The following CNBD2 variants were observed in gnomAD, a reference collection of about 807,000 sequenced individuals.
CNBD2 encodes cyclic nucleotide-binding domain-containing protein 2.
In CNBD2, 64 loss-of-function variants were observed where a neutral mutation model predicts 63.7. The observed-to-expected ratio is 1.00, with a 90% CI of 0.82 to 1.24. The LOEUF is 1.24. Among genes scored for constraint, CNBD2 ranks in the 50% most tolerant of loss-of-function variants. CNBD2 has a pLI of 0.00. For synonymous variants in CNBD2, 229 were observed against 255.4 expected, an observed-to-expected ratio of 0.90 and a Z score of 0.99; for missense variants, 691 against 713.5, an observed-to-expected ratio of 0.97 and a Z score of 0.36.
intron 8 of CNBD2, 33 bp downstream of exon 8, chr20:35,995,185 G>A (rs758547919): frequency 2.5e-5 from 37 of 1,466,236 alleles, no homozygotes; most frequent in Admixed American, 1.7e-4. Flanking sequence ...ACAGCAGGGG[G>A]CGCCTGGGCC....
At chr20:35,987,593 T>A (rs1488743922) in intron 7 of CNBD2, 60 bp downstream of exon 7, 1 of 1,585,630 alleles carries the variant, frequency 6.3e-7, no homozygotes, top group Non-Finnish European at 8.6e-7. Context: ...TAAGATCATG[T>A]CCTGTGACCT....
At chr20:36,019,625 G>A (rs1003017546) in intron 10 of CNBD2, among the ~76,000 whole-genome samples, 2 of 151,940 alleles carry the variant, frequency 1.3e-5, no homozygotes, top group Non-Finnish European at 2.9e-5. Flanking sequence ...TTCAAGGCAG[G>A]AGGGAGGAGG....
Position 36,008,330 on chromosome 20 carries a change from A to T in CNBD2, c.1004A>T (p.Gln335Leu). 1.9e-6 allele frequency: 3 copies of T among 1,612,684 alleles called. No homozygotes were observed. Among genetic ancestry groups the T allele is most frequent in the Non-Finnish European group, 2.5e-6 (3 of 1,179,654 alleles). The change falls in exon 9 of 12, where the codon CAG (glutamine) becomes CTG (leucine). Residue 335 changes from glutamine to leucine, a missense_variant. Physicochemically the swap from Gln to Leu is moderately radical, Grantham distance 113. Coordinates refer to ENST00000373973, the MANE Select transcript of CNBD2 (RefSeq NM_001365709.1). ...CCTATGGAAAGATTTAAGGAATTCC[A>T]GATCAAATCATATCCTCTGCAAGAC... ...YSPMERFKEF[Q>L]IKSYPLQDFS...
chr20:35,995,867 A>G (rs1193104838), intron 8 of CNBD2, among the ~76,000 whole-genome samples: 2 of 152,160 alleles, frequency 1.3e-5, no homozygotes, highest in African/African-American at 4.8e-5. Context: ...AGACTGGGTA[A>G]CTTATAAAGA....
intron 8 of CNBD2, among the ~76,000 whole-genome samples, chr20:35,998,040 C>CTTTTTTTT (rs1046661526): frequency 2.8e-4 from 35 of 127,116 alleles, no homozygotes; most frequent in South Asian, 5.0e-4. Flanking sequence ...TTTTCTTTTT[C>CTTTTTTTT]TTTTTTTTTT....
rs778699165 is a variant in CNBD2, at chr20:35,984,708, G to A, written c.646G>A (p.Glu216Lys). ...EETEFLVVDR[E>K]DFFANKLDQE... is the part of the protein sequence containing the mutation. ...AACGGAGTTCCTGGTTGTTGACCGG[G>A]AGGACTTCTTTGCTAATAAGCTGGA... The change falls in exon 6 of 12, where the codon GAG (glutamate) becomes AAG (lysine). Residue 216 changes from glutamate (E) to lysine (K), a missense_variant. By Grantham distance (56) the Glu-to-Lys change is moderately conservative. Transcript: ENST00000373973. The A allele has an allele frequency of 8.1e-6, 13 of 1,614,086 alleles. No individual in the cohort carries two copies. The highest frequency in any genetic ancestry group is 1.1e-5 in the South Asian group (1 of 91,090).
intron 5 of CNBD2, 24 bp from the exon 6 acceptor site, chr20:35,984,603 G>C (rs1450822155): frequency 6.2e-7 from 1 of 1,610,944 alleles, no homozygotes; most frequent in East Asian, 2.2e-5. Context: ...CCTCACACTT[G>C]CCCTTGCCCT....
chr20:35,965,183 CTTT>C (rs369573397), upstream of CNBD2, among the ~76,000 whole-genome samples: 4 of 138,038 alleles, frequency 2.9e-5, no homozygotes, highest in Non-Finnish European at 3.1e-5. Context: ...CCCTCTCTCT[CTTT>C]TTTTTTTTTT....
chr20:35,974,060 G>A (rs2056464118), intron 2 of CNBD2: 1 of 153,400 alleles, frequency 6.5e-6, no homozygotes, highest in African/African-American at 2.4e-5. Flanking sequence ...GGAAGGAAAG[G>A]CAGCCTTAAA....
chr20:36,014,645 T>TA (rs1226372828), intron 10 of CNBD2, among the ~76,000 whole-genome samples: 1 of 150,678 alleles, frequency 6.6e-6, no homozygotes, highest in African/African-American at 2.4e-5. Flanking sequence ...ATTTTTTTTT[T>TA]AAGAGACAGG....
intron 7 of CNBD2, among the ~76,000 whole-genome samples, chr20:35,987,762 G>A (rs573629290): frequency 7.9e-5 from 12 of 152,282 alleles, no homozygotes; most frequent in South Asian, 2.1e-4. Context: ...GGATTCTCCC[G>A]CCTTGAGCTC....
At chr20:35,967,302 T>G (rs2056354201), upstream of CNBD2, among the ~76,000 whole-genome samples, 1 of 132,900 alleles carries the variant, frequency 7.5e-6, no homozygotes, top group Non-Finnish European at 1.5e-5. Flanking sequence ...CAGGCTGGAG[T>G]GCAGTGGCAC....
intron 4 of CNBD2, 97 bp from the exon 5 acceptor site, chr20:35,983,885 T>G (rs1369731168): frequency 2.8e-6 from 4 of 1,424,834 alleles, no homozygotes; most frequent in Non-Finnish European, 3.9e-6. Context: ...TGTGCTCTTA[T>G]ATCCCAAAGC....
chr20:35,997,203 G>A (rs903104395), intron 8 of CNBD2, among the ~76,000 whole-genome samples: 15 of 152,126 alleles, frequency 9.9e-5, no homozygotes, highest in African/African-American at 3.4e-4. Flanking sequence ...TGGCTCAGAT[G>A]TCTTATCTCT....
chr20:36,003,435 C>T (rs2056943587), intron 8 of CNBD2, among the ~76,000 whole-genome samples: 1 of 152,090 alleles, frequency 6.6e-6, no homozygotes, highest in South Asian at 2.1e-4. Context: ...TTGATCTTTT[C>T]AAGGCTTGCT....
chr20:35,959,982 A>G (rs1468157163), downstream of CNBD2, among the ~76,000 whole-genome samples: 1 of 152,224 alleles, frequency 6.6e-6, no homozygotes, highest in African/African-American at 2.4e-5. Flanking sequence ...TGATAATCAT[A>G]TATTGCTTAA....
chr20:36,010,066 G>C (rs2057038287), intron 9 of CNBD2, among the ~76,000 whole-genome samples: 1 of 152,146 alleles, frequency 6.6e-6, no homozygotes, highest in Non-Finnish European at 1.5e-5. Flanking sequence ...CTGGTATGAG[G>C]CAGATGCACA....
intron 8 of CNBD2, among the ~76,000 whole-genome samples, chr20:36,007,521 CT>C (rs1406671244): frequency 1.3e-5 from 2 of 152,108 alleles, no homozygotes; most frequent in African/African-American, 4.8e-5. Flanking sequence ...ATATCACATA[CT>C]TTATCTGCAA....
chr20:36,012,632 C>A (rs1303022061), intron 10 of CNBD2, among the ~76,000 whole-genome samples: 2 of 151,400 alleles, frequency 1.3e-5, no homozygotes, highest in Non-Finnish European at 2.9e-5. Context: ...TCGAGACCAG[C>A]CTGACCAACA....
Sources: allele counts gnomAD v4.1 joint callset (sites outside exome capture counted in the v4.1 genomes callset), GRCh38; gene constraint gnomAD v4.1.1; transcripts MANE v1.5; gene names NCBI Gene and HGNC (gene_info 2026-07-23, HGNC 2026-07-21).